The following XKRX variants were observed in gnomAD, a reference collection of about 807,000 sequenced individuals.
XKRX encodes XK related X-linked, also known as XK-related protein 2.
A neutral mutation model predicts 22.4 loss-of-function variants in XKRX; 11 were observed. The observed-to-expected ratio is 0.49, with a 90% CI of 0.31 to 0.81. The LOEUF is 0.81. XKRX is among the 40% of genes least tolerant of loss of function. The pLI, the probability that XKRX is intolerant of heterozygous loss-of-function variation, is 0.05. For synonymous variants in XKRX, 114 were observed against 132.2 expected (o/e 0.86, Z 0.94); for missense variants, 320 against 336.5 (o/e 0.95, Z 0.38).
chrX:100,898,610 A>C, the XKRX span, among the ~76,000 whole-genome samples: 7 of 108,491 alleles, frequency 6.5e-5, no homozygotes, highest in East Asian at 1.2e-3. Context: ...AAAAAAAAAA[A>C]CAAGAAGGCC....
the XKRX span, among the ~76,000 whole-genome samples, chrX:100,908,283 AT>A: frequency 9.1e-6 from 1 of 110,219 alleles, no homozygotes; most frequent in African/African-American, 3.3e-5. Context: ...CGCCTGGCTA[AT>A]TTTTTGTATT....
chrX:100,897,621 G>A, the XKRX span, among the ~76,000 whole-genome samples: 2 of 93,557 alleles, frequency 2.1e-5, no homozygotes, highest in African/African-American at 7.9e-5. Flanking sequence ...GTGTGTGTGT[G>A]TGTGTGTGTG....
the XKRX span, among the ~76,000 whole-genome samples, chrX:100,948,458 C>T: frequency 6.3e-5 from 7 of 111,289 alleles, no homozygotes; most frequent in Middle Eastern, 4.6e-3. Flanking sequence ...GACCTTAGGA[C>T]CTAAAGAACA....
chrX:100,957,341 G>A, the XKRX span: 23 of 1,153,947 alleles, frequency 2.0e-5, 1 homozygote, highest in African/African-American at 1.6e-4. Context: ...TTTGGACTCC[G>A]GTTACTGGTC....
chrX:100,888,205 T>C, the XKRX span: 1 of 999,975 alleles, frequency 1.0e-6, no homozygotes, highest in Non-Finnish European at 1.4e-6. Context: ...CTTCCATTTT[T>C]CCATGCTGTT....
At chrX:100,934,089 T>C (rs1395784142), upstream of XKRX, among the ~76,000 whole-genome samples, 1 of 111,542 alleles carries the variant, frequency 9.0e-6, no homozygotes, top group Non-Finnish European at 1.9e-5. Context: ...TCTCAATATA[T>C]TTGTCTATTC....
the XKRX span, among the ~76,000 whole-genome samples, chrX:100,905,484 C>G: frequency 1.8e-5 from 2 of 112,218 alleles, no homozygotes; most frequent in African/African-American, 6.5e-5. Flanking sequence ...TTTCTGATTA[C>G]AAATATCGTG....
At chrX:100,897,354 G>A in the XKRX span, among the ~76,000 whole-genome samples, 1 of 110,121 alleles carries the variant, frequency 9.1e-6, no homozygotes, top group Non-Finnish European at 1.9e-5. Flanking sequence ...AGAGGCCAAG[G>A]CAGGTGGACC....
chrX:100,910,701 G>A (rs1358339689), downstream of XKRX: 18 of 518,485 alleles, frequency 3.5e-5, no homozygotes, highest in South Asian at 7.1e-5. Flanking sequence ...GCAACTCTGC[G>A]GCCTTCACCA....
At chrX:100,924,489 C>A (rs184476601) in intron 1 of XKRX, among the ~76,000 whole-genome samples, 1 of 111,503 alleles carries the variant, frequency 9.0e-6, no homozygotes, top group African/African-American at 3.3e-5. Flanking sequence ...CTCCCCCATA[C>A]AAATCAGAAG....
chrX:100,895,853 C>G, the XKRX span, among the ~76,000 whole-genome samples: 2 of 111,896 alleles, frequency 1.8e-5, no homozygotes, highest in African/African-American at 6.5e-5. Context: ...AGCAATCAGG[C>G]TGTCAGGGCT....
the XKRX span, among the ~76,000 whole-genome samples, chrX:100,896,337 T>A: frequency 9.0e-6 from 1 of 111,533 alleles, no homozygotes; most frequent in Non-Finnish European, 1.9e-5. Context: ...AAACCCAATA[T>A]AACCACATAA....
the XKRX span, among the ~76,000 whole-genome samples, chrX:100,894,135 C>A: frequency 9.0e-6 from 1 of 111,198 alleles, no homozygotes; most frequent in African/African-American, 3.3e-5. Context: ...AGCATGGTGG[C>A]GCATGCCTGT....
downstream of XKRX, among the ~76,000 whole-genome samples, chrX:100,911,932 G>T (rs143871862): frequency 0.013 from 1,456 of 111,672 alleles, 22 homozygotes; most frequent in African/African-American, 0.045. Flanking sequence ...TGAGGAAGCT[G>T]GGGAGAATAT....
the XKRX span, among the ~76,000 whole-genome samples, chrX:100,890,111 T>C: frequency 9.0e-6 from 1 of 111,236 alleles, no homozygotes; most frequent in African/African-American, 3.3e-5. Context: ...ACAACCAGAG[T>C]TGCTGGACAG....
chrX:100,917,847 C>T (rs747009240), intron 2 of XKRX, among the ~76,000 whole-genome samples: 54 of 106,772 alleles, frequency 5.1e-4, no homozygotes, highest in African/African-American at 1.8e-3. Flanking sequence ...AATTCATTAC[C>T]CCCATATGTT....
At chrX:100,903,619 T>A in the XKRX span, among the ~76,000 whole-genome samples, 1 of 112,134 alleles carries the variant, frequency 8.9e-6, no homozygotes, top group East Asian at 2.8e-4. Context: ...TTTGGTATTA[T>A]CAGTGTTTTG....
At chrX:100,955,231 A>G in the XKRX span, among the ~76,000 whole-genome samples, 4 of 112,439 alleles carry the variant, frequency 3.6e-5, no homozygotes, top group African/African-American at 1.3e-4. Context: ...ATCTGAATAC[A>G]GTTTATACAT....
chrX:100,929,357 G>C (rs1346905146), upstream of XKRX: 1 of 111,526 alleles, frequency 9.0e-6, no homozygotes, highest in Non-Finnish European at 1.9e-5. Context: ...GGAGTGGCGG[G>C]ACAAAAAGGG....
Sources: allele counts gnomAD v4.1 joint callset (sites outside exome capture counted in the v4.1 genomes callset), GRCh38; gene constraint gnomAD v4.1.1; transcripts MANE v1.5; gene names NCBI Gene and HGNC (gene_info 2026-07-23, HGNC 2026-07-21).